The following TCERG1L variants were observed in gnomAD, a reference collection of about 807,000 sequenced individuals.
TCERG1L encodes transcription elongation regulator 1-like protein.
A neutral mutation model predicts 56.3 loss-of-function variants in TCERG1L; 37 were observed. The observed-to-expected ratio is 0.66, with a 90% confidence interval of 0.51 to 0.87. TCERG1L has a LOEUF of 0.87. Among genes scored for constraint, TCERG1L ranks in the 40% least tolerant of loss-of-function variants. The pLI is 0.00. For synonymous variants in TCERG1L, 324 were observed against 326.3 expected (o/e 0.99, Z 0.08); for missense variants, 799 against 774.2 (o/e 1.03, Z -0.38).
intron 4 of TCERG1L, among the ~76,000 whole-genome samples, chr10:131,242,835 C>A (rs141818467): frequency 6.6e-6 from 1 of 152,190 alleles, no homozygotes; most frequent in African/African-American, 2.4e-5. Context: ...TAGGATCAGT[C>A]TAGGAACAAA....
At chr10:131,099,634 A>G (rs911595794) in intron 10 of TCERG1L, among the ~76,000 whole-genome samples, 2 of 152,124 alleles carry the variant, frequency 1.3e-5, no homozygotes, top group South Asian at 4.1e-4. Flanking sequence ...GGCAGGTGAA[A>G]GCCTCGACCC....
intron 3 of TCERG1L, among the ~76,000 whole-genome samples, chr10:131,270,786 T>C (rs917456187): frequency 2.0e-5 from 3 of 152,208 alleles, no homozygotes; most frequent in Non-Finnish European, 2.9e-5. Flanking sequence ...TCGTGGGAGA[T>C]ATCAGGCTTG....
chr10:131,259,330 T>C (rs2133541704), intron 4 of TCERG1L, among the ~76,000 whole-genome samples: 1 of 152,334 alleles, frequency 6.6e-6, no homozygotes, highest in Non-Finnish European at 1.5e-5. Context: ...ATCTAGCAAT[T>C]AATGATATTA....
intron 9 of TCERG1L, among the ~76,000 whole-genome samples, chr10:131,108,064 A>T (rs1338588379): frequency 6.6e-6 from 1 of 152,152 alleles, no homozygotes; most frequent in Admixed American, 6.5e-5. Flanking sequence ...AACTGAGTAG[A>T]CAGCAAGCTG....
chr10:131,135,336 G>GCTGAGC (rs1845663444), intron 7 of TCERG1L, among the ~76,000 whole-genome samples: 1 of 152,106 alleles, frequency 6.6e-6, no homozygotes, highest in African/African-American at 2.4e-5. Context: ...CCCAGTGACC[G>GCTGAGC]CTGAGCCTGC....
intron 5 of TCERG1L, among the ~76,000 whole-genome samples, chr10:131,164,970 T>C (rs1363605427): frequency 6.6e-6 from 1 of 152,216 alleles, no homozygotes; most frequent in East Asian, 1.9e-4. Flanking sequence ...GCCAGGCCCA[T>C]CTGCACTGTG....
intron 6 of TCERG1L, among the ~76,000 whole-genome samples, chr10:131,149,232 A>T (rs932704855): frequency 1.3e-5 from 2 of 151,816 alleles, no homozygotes; most frequent in East Asian, 2.0e-4. Flanking sequence ...CCCTCAGGGG[A>T]GCGGGCTCAT....
intron 4 of TCERG1L, among the ~76,000 whole-genome samples, chr10:131,177,078 A>C (rs1272384415): frequency 2.4e-5 from 1 of 41,964 alleles, no homozygotes; most frequent in African/African-American, 4.6e-4. Flanking sequence ...ACACATACAC[A>C]CACACGTACT....
chr10:131,236,120 C>A (rs1331918752), intron 4 of TCERG1L, among the ~76,000 whole-genome samples: 3 of 152,188 alleles, frequency 2.0e-5, no homozygotes, highest in Non-Finnish European at 4.4e-5. Context: ...CTTGCACTCC[C>A]ATCTCCAAAG....
At chr10:131,280,777 G>A (rs1846443153) in intron 3 of TCERG1L, among the ~76,000 whole-genome samples, 1 of 152,010 alleles carries the variant, frequency 6.6e-6, no homozygotes, top group Non-Finnish European at 1.5e-5. Flanking sequence ...GTATACCCAG[G>A]TAGTCTCAGA....
At chr10:131,247,438 G>A (rs566502340) in intron 4 of TCERG1L, among the ~76,000 whole-genome samples, 2 of 152,196 alleles carry the variant, frequency 1.3e-5, no homozygotes, top group East Asian at 1.9e-4. Flanking sequence ...TTCCTATTCT[G>A]TCCCCAGGAG....
At chr10:131,247,925 C>A (rs963234028) in intron 4 of TCERG1L, among the ~76,000 whole-genome samples, 1 of 151,756 alleles carries the variant, frequency 6.6e-6, no homozygotes, top group African/African-American at 2.4e-5. Flanking sequence ...CGCATACACA[C>A]GACTCACACA....
intron 6 of TCERG1L, among the ~76,000 whole-genome samples, chr10:131,154,823 CG>C (rs1845902369): frequency 6.6e-6 from 1 of 152,232 alleles, no homozygotes; most frequent in Non-Finnish European, 1.5e-5. Flanking sequence ...AGGACACGAG[CG>C]TGCAACAGGC....
In TCERG1L at chr10:131,112,840, C is replaced by T. The variant is rs140218145; in HGVS notation, c.1395+3959G>A. Among the ~76,000 whole-genome samples, 136 of 142,518 alleles carry T rather than the reference C, an allele frequency of 9.5e-4. 9 individuals carry two copies. Among genetic ancestry groups the T allele is most frequent in the African/African-American group, 3.1e-3 (125 of 40,500 alleles). 93.5% of individuals were successfully genotyped at this position (142,518 alleles called of 152,430 possible). ...GAGGAAGGTGCCCAAATTTGCCGAG[C>T]GGTAACCTTACCAAGGACTGGGAAG... On this transcript the variant is annotated intron_variant, in intron 9 of 11. Coordinates refer to ENST00000368642, the MANE Select transcript of TCERG1L (RefSeq NM_174937.4).
At chr10:131,224,944 T>C (rs1290252341) in intron 4 of TCERG1L, among the ~76,000 whole-genome samples, 3 of 152,160 alleles carry the variant, frequency 2.0e-5, no homozygotes, top group African/African-American at 7.2e-5. Flanking sequence ...GAGGTAATAA[T>C]GTAGTTTGTA....
intron 3 of TCERG1L, among the ~76,000 whole-genome samples, chr10:131,269,011 C>T (rs1268429662): frequency 1.3e-5 from 2 of 152,208 alleles, no homozygotes; most frequent in African/African-American, 4.8e-5. Flanking sequence ...ATTCACAACT[C>T]AGCTAACTTG....
In TCERG1L at chr10:131,309,834, C is replaced by CAAAAAAAAAAAAAAAA. The variant is rs58892586; in HGVS notation, c.343-551_343-536dup. Among the ~76,000 whole-genome samples the CAAAAAAAAAAAAAAAA allele has an allele frequency of 2.2e-4, 11 of 49,850 alleles. 2 individuals carry two copies. The highest frequency in any genetic ancestry group is 3.1e-4 in the Non-Finnish European group (9 of 28,708). 32.7% of individuals were successfully genotyped at this position (49,850 alleles called of 152,430 possible). A position where few individuals can be genotyped will look rare whatever the true frequency, so the allele number is the denominator to read the frequency against. On this transcript the variant is annotated intron_variant, in intron 1 of 11. Transcript: ENST00000368642. ...TCACCAATACAAATAGATTCTATGGCAAAAAAAAAAAAAAAAAAAAAAAAA... is the reference window on the plus strand; with the variant it reads ...TCACCAATACAAATAGATTCTATGGCAAAAAAAAAAAAAAAAAAAAAAAAAAAAAAAAAAAAAAAAA...
intron 4 of TCERG1L, among the ~76,000 whole-genome samples, chr10:131,236,789 G>A (rs1845917816): frequency 1.3e-5 from 2 of 152,132 alleles, no homozygotes; most frequent in Admixed American, 6.5e-5. Context: ...GTAGGTAAGA[G>A]CAGAGAGACA....
chr10:131,096,336 A>AGCATTC (rs1222430081), intron 11 of TCERG1L, among the ~76,000 whole-genome samples: 1 of 152,232 alleles, frequency 6.6e-6, no homozygotes, highest in African/African-American at 2.4e-5. Flanking sequence ...GCTAGAACCC[A>AGCATTC]GCATTCTCAT....
Sources: gnomAD v4.1 joint callset for allele counts (sites outside exome capture counted in the v4.1 genomes callset) on GRCh38, gnomAD v4.1.1 for gene constraint, MANE v1.5 for transcripts, NCBI Gene and HGNC (gene_info 2026-07-23, HGNC 2026-07-21) for gene names.